Variants in SPATS2 observed in about 807,000 individuals in gnomAD.
The protein encoded by SPATS2 is spermatogenesis-associated serine-rich protein 2.
In SPATS2, 38 loss-of-function variants were observed where a neutral mutation model predicts 63.7. The observed-to-expected ratio is 0.60, with a 90% CI of 0.46 to 0.78. The LOEUF is 0.78. Ranked by LOEUF, SPATS2 falls within the 30% of genes least tolerant of loss-of-function variation. The probability of loss-of-function intolerance (pLI) is 0.00; values close to 1 mark genes in which losing one functional copy is unlikely to be tolerated. For missense variants in SPATS2, 588 were observed against 666.2 expected, an observed-to-expected ratio of 0.88 and a Z score of 1.29; for synonymous variants, 207 against 232.9, an observed-to-expected ratio of 0.89 and a Z score of 1.01.
At chr12:49,439,841 T>C (rs1261873091) in intron 2 of SPATS2, among the ~76,000 whole-genome samples, 1 of 152,226 alleles carries the variant, frequency 6.6e-6, no homozygotes, top group African/African-American at 2.4e-5. Flanking sequence ...CCTATGTCTT[T>C]ACGCTGACAT....
intron 3 of SPATS2, among the ~76,000 whole-genome samples, chr12:49,471,488 C>T (rs1316220560): frequency 6.6e-6 from 1 of 152,112 alleles, no homozygotes; most frequent in African/African-American, 2.4e-5. Context: ...AGGAAAGCAC[C>T]TTGCTAATTT....
intron 8 of SPATS2, among the ~76,000 whole-genome samples, chr12:49,498,139 A>ATATATATATATAT (rs1555191141): frequency 4.2e-4 from 35 of 84,224 alleles, no homozygotes; most frequent in African/African-American, 2.5e-3. Context: ...AGCCAAAAAA[A>ATATATATATATAT]AAAAAAATAT....
rs558333437 is a variant in SPATS2 at position 49,524,911 on chromosome 12, A to G, written c.1326+15A>G. The G allele has an allele frequency of 8.6e-5, 138 of 1,611,292 alleles. 3 individuals are homozygous for G. In the South Asian group the frequency reaches 1.4e-3, roughly 17 times the overall value. ...CACTTCGGGAGGTAACCTAGCTTCT[A>G]CACTGAGCATGTTAGGAAGAAAACC... is the stretch of plus-strand genomic sequence containing the variant. On this transcript the variant is annotated intron_variant, in intron 13 of 13. Coordinates refer to ENST00000552918, the MANE Select transcript of SPATS2 (RefSeq NM_023071.4).
intron 2 of SPATS2, among the ~76,000 whole-genome samples, chr12:49,390,340 A>G (rs1453704605): frequency 6.6e-6 from 1 of 152,252 alleles, no homozygotes; most frequent in Non-Finnish European, 1.5e-5. Context: ...TTTCCAAAAC[A>G]TAATTGGAAA....
chr12:49,497,406 T>C (rs1208689573), intron 8 of SPATS2, among the ~76,000 whole-genome samples: 12 of 150,860 alleles, frequency 8.0e-5, no homozygotes, highest in African/African-American at 2.2e-4. Context: ...TTTTTTTTTT[T>C]TCCCCCGAGA....
chr12:49,524,236 T>C (rs908169029), intron 12 of SPATS2, among the ~76,000 whole-genome samples: 3 of 152,242 alleles, frequency 2.0e-5, no homozygotes, highest in African/African-American at 7.2e-5. Flanking sequence ...CAAAATTCTT[T>C]AAAAAGAATT....
At chr12:49,435,151 C>T (rs905604064) in intron 2 of SPATS2, among the ~76,000 whole-genome samples, 7 of 151,810 alleles carry the variant, frequency 4.6e-5, no homozygotes, top group Admixed American at 1.3e-4. Flanking sequence ...CTGCCTCAGC[C>T]TCCCAAGTAG....
intron 2 of SPATS2, among the ~76,000 whole-genome samples, chr12:49,443,426 C>A (rs1311458712): frequency 6.6e-6 from 1 of 151,942 alleles, no homozygotes; most frequent in East Asian, 1.9e-4. Flanking sequence ...CACTTCTATT[C>A]TATTGATCTA....
At chr12:49,412,695 A>G (rs1034590822) in intron 2 of SPATS2, among the ~76,000 whole-genome samples, 3 of 151,774 alleles carry the variant, frequency 2.0e-5, no homozygotes, top group Non-Finnish European at 4.4e-5. Context: ...TCAGTGAGCC[A>G]TGATCACAAC....
At chr12:49,491,581 A>T (rs1207900639) in intron 6 of SPATS2, among the ~76,000 whole-genome samples, 1 of 152,128 alleles carries the variant, frequency 6.6e-6, no homozygotes, top group African/African-American at 2.4e-5. Flanking sequence ...GAGGGGTCTG[A>T]TGTTCCACTT....
rs34420984 is a variant in SPATS2 at position 49,435,638 on chromosome 12, C to CTTT, written c.-243-25108_-243-25106dup. Among the ~76,000 whole-genome samples, 34 of 96,046 alleles carry CTTT rather than the reference C, an allele frequency of 3.5e-4. 1 individual carries two copies. Among genetic ancestry groups the CTTT allele is most frequent in the African/African-American group, 8.5e-4 (26 of 30,452 alleles). 63.0% of individuals were successfully genotyped at this position (96,046 alleles called of 152,430 possible). On this transcript the variant is annotated intron_variant, in intron 2 of 13. Transcript: ENST00000552918. ...ACCGTGCCCGGCTACTGAATGGTTT[C>CTTT]TTTTTTTTTTTTTTTTTTTTTTTTT...
intron 12 of SPATS2, among the ~76,000 whole-genome samples, chr12:49,523,348 G>T (rs1490070704): frequency 1.4e-5 from 2 of 146,116 alleles, no homozygotes; most frequent in African/African-American, 5.0e-5. Context: ...AGGTGTGGTG[G>T]CACATGCTTG....
chr12:49,403,661 G>C (rs1944647651), intron 2 of SPATS2, among the ~76,000 whole-genome samples: 1 of 149,984 alleles, frequency 6.7e-6, no homozygotes, highest in Non-Finnish European at 1.5e-5. Flanking sequence ...GGAATTCTCT[G>C]TTATGGCTTA....
intron 2 of SPATS2, among the ~76,000 whole-genome samples, chr12:49,415,436 C>T (rs1944873166): frequency 1.3e-5 from 2 of 152,152 alleles, no homozygotes; most frequent in African/African-American, 4.8e-5. Flanking sequence ...CTCATTGCTC[C>T]TTATATTCTA....
chr12:49,460,128 C>A (rs1945796103), intron 2 of SPATS2, among the ~76,000 whole-genome samples: 1 of 150,798 alleles, frequency 6.6e-6, no homozygotes, highest in Non-Finnish European at 1.5e-5. Flanking sequence ...AACAAACAAA[C>A]AAAAAAAGAA....
At chr12:49,432,479 A>G (rs1286183538) in intron 2 of SPATS2, among the ~76,000 whole-genome samples, 1 of 152,212 alleles carries the variant, frequency 6.6e-6, no homozygotes. Flanking sequence ...CTCAAAATAT[A>G]TATACATATG....
intron 2 of SPATS2, among the ~76,000 whole-genome samples, chr12:49,450,523 C>A (rs1032191100): frequency 1.3e-5 from 2 of 151,980 alleles, no homozygotes; most frequent in Non-Finnish European, 2.9e-5. Flanking sequence ...GGATTACAGG[C>A]GTGAGCCACC....
chr12:49,379,927 T>G (rs1365390560), intron 2 of SPATS2, among the ~76,000 whole-genome samples: 1 of 151,852 alleles, frequency 6.6e-6, no homozygotes, highest in Non-Finnish European at 1.5e-5. Flanking sequence ...CTGGCCTATT[T>G]CAGAACTTTT....
At chr12:49,436,154 TGA>T (rs1945280707) in intron 2 of SPATS2, among the ~76,000 whole-genome samples, 1 of 151,468 alleles carries the variant, frequency 6.6e-6, no homozygotes, top group Non-Finnish European at 1.5e-5. Flanking sequence ...AATGAGCTGT[TGA>T]GTACACCTCC....
Sources: allele counts gnomAD v4.1 joint callset (sites outside exome capture counted in the v4.1 genomes callset), GRCh38; gene constraint gnomAD v4.1.1; transcripts MANE v1.5; gene names NCBI Gene and HGNC (gene_info 2026-07-23, HGNC 2026-07-21).